BLNK: variants seen among roughly 807,000 people sequenced by gnomAD.
BLNK encodes the protein B cell linker.
A neutral mutation model predicts 73.5 loss-of-function variants in BLNK; 29 were observed. The ratio of observed to expected loss-of-function variants is 0.39; its 90% CI spans 0.29 to 0.54. The LOEUF (loss-of-function observed/expected upper bound fraction) is 0.54, where lower values mean the gene tolerates loss of function less well. BLNK is among the 20% of genes least tolerant of loss of function. The pLI is 0.61. For missense variants in BLNK, 460 were observed against 562.8 expected (o/e 0.82, Z 1.85); for synonymous variants, 176 against 200.8 (o/e 0.88, Z 1.04).
chr10:96,208,673 A>T lies in BLNK; in HGVS notation c.747-774T>A, dbSNP rs192535957. On this transcript the variant is annotated intron_variant, in intron 9 of 16. Coordinates refer to ENST00000224337, the MANE Select transcript of BLNK (RefSeq NM_013314.4). ...GTGTGTTAAATTTCTTAATTTAAAA[A>T]CCCTCACCATATCTCTCTCTCGCTT... Among the ~76,000 whole-genome samples, 23 of 152,252 alleles carry T rather than the reference A, an allele frequency of 1.5e-4. No homozygotes were observed. In the East Asian group the frequency reaches 4.2e-3, roughly 28 times the overall value.
intron 1 of BLNK, among the ~76,000 whole-genome samples, chr10:96,269,048 G>A (rs1844145809): frequency 6.6e-6 from 1 of 152,170 alleles, no homozygotes; most frequent in Non-Finnish European, 1.5e-5. Flanking sequence ...TTATGGAAAA[G>A]AGTTAAGATG....
At chr10:96,229,190 T>G (rs1277786676) in intron 4 of BLNK, among the ~76,000 whole-genome samples, 1 of 152,136 alleles carries the variant, frequency 6.6e-6, no homozygotes, top group African/African-American at 2.4e-5. Context: ...CTAACTATAT[T>G]TTTGCACCCA....
chr10:96,200,284 G>T lies in BLNK; in HGVS notation c.1012-126C>A, dbSNP rs756045179. The T allele has an allele frequency of 3.1e-6, 2 of 652,706 alleles. No individual in the cohort carries two copies. The highest frequency in any genetic ancestry group is 2.7e-6 in the Non-Finnish European group (1 of 370,760). The allele number at this position is 652,706 out of a possible 1,614,324, so 40.4% of individuals were successfully genotyped here. ...TCTACATTTACACCAATAATTTTAA[G>T]ATGAGTTTTATTTTTCCTTTGATCA... On this transcript the variant is annotated intron_variant, in intron 14 of 16. Transcript: ENST00000224337. This position sits in a 1 kb window ranked among gnomAD's most constrained non-coding sequence, Gnocchi z 4.3.
intron 16 of BLNK, among the ~76,000 whole-genome samples, chr10:96,193,837 C>G (rs587654801): frequency 6.6e-6 from 1 of 152,180 alleles, no homozygotes; most frequent in Non-Finnish European, 1.5e-5. Flanking sequence ...CAAATACACA[C>G]AGACTTTCAG....
intron 12 of BLNK, 73 bp from the exon 13 acceptor site, chr10:96,204,161 A>T (rs782201721): frequency 1.1e-5 from 17 of 1,489,556 alleles, no homozygotes; most frequent in South Asian, 3.4e-5. Context: ...GTTTACACTG[A>T]TGATGCTGTG....
chr10:96,248,444 A>T (rs1387551358), intron 1 of BLNK, among the ~76,000 whole-genome samples: 11 of 152,386 alleles, frequency 7.2e-5, no homozygotes, highest in Admixed American at 7.2e-4. Flanking sequence ...AACAACAGTG[A>T]GATGTCTTTT....
chr10:96,189,578 T>TAAA lies in BLNK; in HGVS notation c.*2394_*2395insTTT. The TAAA allele has an allele frequency of 1.5e-6, 1 of 681,636 alleles. No homozygotes were observed. The allele number at this position is 681,636 out of a possible 1,614,324, so 42.2% of individuals were successfully genotyped here. ...GTTTTTTGAAGGATTCTTGTCCTTTTAATCTTGGTGTTGATGATGGGTTTG... is the reference window on the plus strand; with the variant it reads ...GTTTTTTGAAGGATTCTTGTCCTTTTAAAAATCTTGGTGTTGATGATGGGTTTG... On this transcript the variant is annotated 3_prime_UTR_variant, in exon 17 of 17. Coordinates refer to ENST00000224337, the MANE Select transcript of BLNK (RefSeq NM_013314.4).
rs1298637972 is a variant in BLNK, at chr10:96,245,929, T to A, written c.113+1055A>T. 5.9e-5 allele frequency among the ~76,000 whole-genome samples: 9 copies of A among 152,304 alleles called. No individual in the cohort carries two copies. The East Asian group carries it at 1.5e-3, about 26-fold the overall frequency. On this transcript the variant is annotated intron_variant, in intron 2 of 16. Coordinates refer to ENST00000224337, the MANE Select transcript of BLNK (RefSeq NM_013314.4). ...GATGGAGATATAAGGAAATGGGAGA[T>A]TTTGACATCATACAATTCTGGCCTC... is the stretch of plus-strand genomic sequence containing the variant.
intron 13 of BLNK, among the ~76,000 whole-genome samples, chr10:96,202,241 G>A (rs2083662913): frequency 6.6e-6 from 1 of 152,174 alleles, no homozygotes; most frequent in Non-Finnish European, 1.5e-5. Context: ...GTTTTGAACA[G>A]GGGGGTAACA....
chr10:96,214,066 C>G (rs879989288), intron 8 of BLNK, among the ~76,000 whole-genome samples: 4 of 152,210 alleles, frequency 2.6e-5, no homozygotes, highest in Non-Finnish European at 5.9e-5. Flanking sequence ...AGGAGCCTGT[C>G]TCTGGAAGCA....
At chr10:96,209,709 G>A in intron 9 of BLNK, 129 bp downstream of exon 9, 2 of 1,144,118 alleles carry the variant, frequency 1.7e-6, no homozygotes, top group Middle Eastern at 2.4e-4. Flanking sequence ...ATGTTAGCAG[G>A]GCTCCTTACT....
chr10:96,215,455 C>A lies in BLNK; in HGVS notation c.608-66G>T, dbSNP rs753300051. On this transcript the variant is annotated intron_variant, in intron 7 of 16. Coordinates refer to ENST00000224337, the MANE Select transcript of BLNK (RefSeq NM_013314.4). ...TACATAAAACCATTACAGATACATG[C>A]CATTGAGGAAAATTCACACTCAGGG... 1,078 of 1,442,870 alleles carry A rather than the reference C, an allele frequency of 7.5e-4. 1 individual carries two copies. The highest frequency in any genetic ancestry group is 9.6e-4 in the Non-Finnish European group (1,022 of 1,059,952). 89.4% of individuals were successfully genotyped at this position (1,442,870 alleles called of 1,614,324 possible). A position where few individuals can be genotyped will look rare whatever the true frequency, so the allele number is the denominator to read the frequency against.
chr10:96,265,180 C>T (rs1470100491), intron 1 of BLNK, among the ~76,000 whole-genome samples: 3 of 150,054 alleles, frequency 2.0e-5, no homozygotes, highest in African/African-American at 7.4e-5. Context: ...ATGGGTGTCT[C>T]ATTATGTTGA....
chr10:96,210,149 A>C (rs1554898401), intron 8 of BLNK: 5 of 551,332 alleles, frequency 9.1e-6, no homozygotes, highest in Admixed American at 8.5e-5. Context: ...ACTCCACCTT[A>C]ACATTTCTAA....
intron 4 of BLNK, among the ~76,000 whole-genome samples, chr10:96,229,372 T>C (rs1842406553): frequency 6.6e-6 from 1 of 152,168 alleles, no homozygotes; most frequent in Non-Finnish European, 1.5e-5. Context: ...CAAGAAATTC[T>C]GGAGGCTTTA....
chr10:96,216,220 T>C, intron 7 of BLNK: 1 of 215,706 alleles, frequency 4.6e-6, no homozygotes, highest in Non-Finnish European at 9.4e-6. Context: ...AGGCTTATCA[T>C]ACTACTAAAT....
chr10:96,196,596 C>T (rs2083472283), intron 16 of BLNK, among the ~76,000 whole-genome samples: 1 of 152,170 alleles, frequency 6.6e-6, no homozygotes, highest in Non-Finnish European at 1.5e-5. Flanking sequence ...ATTCTTACAA[C>T]CTTAATTCAA....
At chr10:96,195,322 A>G (rs928660209) in intron 16 of BLNK, among the ~76,000 whole-genome samples, 14 of 152,214 alleles carry the variant, frequency 9.2e-5, no homozygotes, top group Non-Finnish European at 1.9e-4. Flanking sequence ...ATATACCCCC[A>G]AATAATTGAA....
In BLNK at chr10:96,233,907, G is replaced by A. The variant is rs587732468; in HGVS notation, c.164-3073C>T. On this transcript the variant is annotated intron_variant, in intron 3 of 16. Transcript: ENST00000224337. Reference sequence around the variant, plus strand: ...AATGACTCAAACAAAGGAACATTAGGATAGCAACAATAGATTCCATTTACT... The same window carrying A: ...AATGACTCAAACAAAGGAACATTAGAATAGCAACAATAGATTCCATTTACT... 5.3e-5 allele frequency among the ~76,000 whole-genome samples: 8 copies of A among 152,332 alleles called. No homozygotes were observed. In the South Asian group the frequency reaches 1.4e-3, roughly 28 times the overall value.
Sources: allele counts gnomAD v4.1 joint callset (sites outside exome capture counted in the v4.1 genomes callset), GRCh38; gene constraint gnomAD v4.1.1; non-coding constraint Gnocchi (gnomAD v3.1); transcripts MANE v1.5; gene names NCBI Gene and HGNC (gene_info 2026-07-23, HGNC 2026-07-21).